PVT1: variants seen among roughly 807,000 people sequenced by gnomAD.
PVT1 encodes the protein Pvt1 oncogene.
Position 127,877,382 on chromosome 8 carries a change from A to G in PVT1, n.373-13207A>G, listed in dbSNP as rs1815417801. On this transcript the variant is annotated intron_variant and non_coding_transcript_variant, in intron 2 of 10. Transcript: ENST00000651587. Reference sequence around the variant, plus strand: ...TACATGGGGATTAAGTGGGAAATTAAAAGGGTTTTCTTTGTGACTGGTGAC... The same window carrying G: ...TACATGGGGATTAAGTGGGAAATTAGAAGGGTTTTCTTTGTGACTGGTGAC... 2.6e-5 allele frequency among the ~76,000 whole-genome samples: 4 copies of G among 152,284 alleles called. No individual in the cohort carries two copies. The South Asian group carries it at 8.3e-4, about 32-fold the overall frequency.
intron 4 of PVT1, among the ~76,000 whole-genome samples, chr8:128,041,272 CTGTG>C (rs1306033767): frequency 3.7e-5 from 5 of 136,152 alleles, no homozygotes; most frequent in Non-Finnish European, 7.8e-5. Context: ...GTGTGTGCAT[CTGTG>C]TGTTTATGCT....
intron 3 of PVT1, among the ~76,000 whole-genome samples, chr8:127,942,288 T>C (rs1563645794): frequency 6.6e-6 from 1 of 152,212 alleles, no homozygotes; most frequent in Non-Finnish European, 1.5e-5. Context: ...AGAATTTCCA[T>C]GGCTTGCCTA....
chr8:127,903,648 G>C (rs947773083), intron 3 of PVT1, among the ~76,000 whole-genome samples: 3 of 152,178 alleles, frequency 2.0e-5, no homozygotes, highest in Non-Finnish European at 4.4e-5. Context: ...CATATGGATA[G>C]CCATTTATCC....
intron 5 of PVT1, among the ~76,000 whole-genome samples, chr8:128,071,741 C>T (rs1291056886): frequency 8.1e-6 from 1 of 123,732 alleles, no homozygotes; most frequent in Non-Finnish European, 1.8e-5. Context: ...AAATGGAAAC[C>T]GTATAGTTAT....
intron 2 of PVT1, among the ~76,000 whole-genome samples, chr8:127,814,992 A>C (rs1814643189): frequency 6.6e-6 from 1 of 151,796 alleles, no homozygotes. Context: ...TTTGAGACAG[A>C]ATCTTGTTCT....
At chr8:127,860,538 G>T (rs1815211248) in intron 2 of PVT1, among the ~76,000 whole-genome samples, 1 of 151,960 alleles carries the variant, frequency 6.6e-6, no homozygotes, top group African/African-American at 2.4e-5. Flanking sequence ...GCCAAGGTGG[G>T]CGGATCACAA....
At chr8:127,951,995 T>C (rs753663886) in intron 3 of PVT1, among the ~76,000 whole-genome samples, 24 of 152,126 alleles carry the variant, frequency 1.6e-4, no homozygotes, top group Non-Finnish European at 3.2e-4. Context: ...TTTGTGTTTT[T>C]AGTAGAGACG....
At chr8:128,069,773 A>C (rs1027280317) in intron 4 of PVT1, among the ~76,000 whole-genome samples, 1 of 152,228 alleles carries the variant, frequency 6.6e-6, no homozygotes, top group Non-Finnish European at 1.5e-5. Context: ...AGCCGTAGCC[A>C]GTAAGGATCA....
intron 5 of PVT1, among the ~76,000 whole-genome samples, chr8:128,075,556 A>T (rs957159566): frequency 2.6e-5 from 4 of 152,132 alleles, no homozygotes; most frequent in Non-Finnish European, 5.9e-5. Context: ...CCCATCTTCA[A>T]TCCTTGTCTC....
chr8:127,804,520 T>C (rs1440158880), intron 2 of PVT1, among the ~76,000 whole-genome samples: 1 of 150,050 alleles, frequency 6.7e-6, no homozygotes, highest in Admixed American at 6.7e-5. Context: ...ATAATCATAG[T>C]GTATATGTTG....
At chr8:128,087,592 A>G (rs1244932057) in intron 5 of PVT1, among the ~76,000 whole-genome samples, 3 of 152,204 alleles carry the variant, frequency 2.0e-5, no homozygotes, top group Non-Finnish European at 4.4e-5. Context: ...ACTCTTAAGC[A>G]TAACTAAGGG....
chr8:127,923,122 G>A (rs1056720680), intron 3 of PVT1, among the ~76,000 whole-genome samples: 11 of 152,206 alleles, frequency 7.2e-5, no homozygotes, highest in African/African-American at 2.7e-4. Context: ...CCAGTGAGGA[G>A]GGCTGGGACA....
intron 4 of PVT1, among the ~76,000 whole-genome samples, chr8:128,041,610 G>GT (rs1813545684): frequency 1.1e-5 from 1 of 88,802 alleles, no homozygotes; most frequent in Admixed American, 1.3e-4. Context: ...ACATGTGTTT[G>GT]GTGTGTGTGT....
At chr8:127,845,037 A>G (rs117726520) in intron 2 of PVT1, among the ~76,000 whole-genome samples, 2,462 of 152,292 alleles carry the variant, frequency 0.016, 27 homozygotes, top group Non-Finnish European at 0.022. Context: ...CATGCATCTC[A>G]CTGCCTGGGA....
intron 4 of PVT1, among the ~76,000 whole-genome samples, chr8:128,021,290 C>CTTTCTTT (rs1817431305): frequency 1.2e-5 from 1 of 81,140 alleles, no homozygotes; most frequent in Non-Finnish European, 2.2e-5. Context: ...AGGACTTGTG[C>CTTTCTTT]TTTTTTTTTT....
chr8:127,841,844 G>A (rs1814978311), intron 2 of PVT1, among the ~76,000 whole-genome samples: 1 of 151,870 alleles, frequency 6.6e-6, no homozygotes, highest in African/African-American at 2.4e-5. Context: ...TCATGCCTCA[G>A]CCTCCCAAGT....
intron 3 of PVT1, among the ~76,000 whole-genome samples, chr8:127,894,767 G>T (rs1406959197): frequency 6.6e-6 from 1 of 152,052 alleles, no homozygotes; most frequent in Admixed American, 6.5e-5. Context: ...ACTACATTGG[G>T]GCACCGGTAA....
intron 4 of PVT1, among the ~76,000 whole-genome samples, chr8:128,000,492 A>C (rs1563662022): frequency 1.3e-5 from 2 of 152,298 alleles, no homozygotes; most frequent in South Asian, 2.1e-4. Flanking sequence ...TGTTTTGACT[A>C]TGGTCCTTGT....
intron 2 of PVT1, among the ~76,000 whole-genome samples, chr8:127,838,433 G>A (rs114876516): frequency 0.042 from 6,410 of 151,998 alleles, 488 homozygotes; most frequent in African/African-American, 0.15. Flanking sequence ...AGCCAGGTGC[G>A]GTGGTTCATG....
Sources: allele counts gnomAD v4.1 joint callset (sites outside exome capture counted in the v4.1 genomes callset), GRCh38; gene constraint gnomAD v4.1.1; transcripts MANE v1.5; gene names NCBI Gene and HGNC (gene_info 2026-07-23, HGNC 2026-07-21).